HSPD1: variants seen among roughly 807,000 people sequenced by gnomAD.
HSPD1 encodes the protein heat shock protein family D (Hsp60) member 1, also known as 60 kDa heat shock protein, mitochondrial.
In HSPD1, 3 loss-of-function variants were observed where a neutral mutation model predicts 53.0. That is an observed-to-expected ratio of 0.06 (90% CI 0.03 to 0.15). HSPD1 has a LOEUF of 0.15. Ranked by LOEUF, HSPD1 falls within the 10% of genes least tolerant of loss-of-function variation. HSPD1 has a pLI of 1.00. For synonymous variants in HSPD1, 200 were observed against 228.0 expected (o/e 0.88, Z 1.10); for missense variants, 431 against 694.1 (o/e 0.62, Z 4.26).
At chr2:197,495,720 T>G (rs1344741170) in intron 3 of HSPD1, among the ~76,000 whole-genome samples, 2 of 151,602 alleles carry the variant, frequency 1.3e-5, no homozygotes, top group Non-Finnish European at 2.9e-5. Context: ...CAGCTTCCCA[T>G]GTAGCTGGGA....
At chr2:197,500,153 C>A (rs2086229121), upstream of HSPD1, 8 of 540,552 alleles carry the variant, frequency 1.5e-5, no homozygotes, top group South Asian at 2.3e-5. Flanking sequence ...AGGGGTAGTT[C>A]TTTCACCTCG....
At chr2:197,494,922 T>A (rs1366248960) in intron 4 of HSPD1, 170 bp from the exon 5 acceptor site, 1 of 648,320 alleles carries the variant, frequency 1.5e-6, no homozygotes, top group Non-Finnish European at 2.8e-6. Context: ...TCTTTTCCGA[T>A]TCATTATTTG....
rs770559250 is a variant in HSPD1, at chr2:197,487,011, A to G, written c.*35T>C. ...AACACTGCCTTGGGCTTCCTGTCAC[A>G]GTTCATTAATAAAGGTAAAGCACTA... On this transcript the variant is annotated 3_prime_UTR_variant, in exon 12 of 12. Transcript: ENST00000388968. 8 of 1,047,810 alleles carry G rather than the reference A, an allele frequency of 7.6e-6. No individual in the cohort carries two copies. The highest frequency in any genetic ancestry group is 1.2e-5 in the Non-Finnish European group (8 of 667,010). 64.9% of individuals were successfully genotyped at this position (1,047,810 alleles called of 1,614,324 possible).
intron 9 of HSPD1, 78 bp from the exon 10 acceptor site, chr2:197,488,569 ACT>A: frequency 7.2e-7 from 1 of 1,385,282 alleles, no homozygotes; most frequent in Non-Finnish European, 1.0e-6. Context: ...AAAGCAGTTT[ACT>A]TAAAAAGCAA....
At chr2:197,494,988 A>T (rs2086140307) in intron 4 of HSPD1, 3 of 598,182 alleles carry the variant, frequency 5.0e-6, no homozygotes, top group Admixed American at 6.0e-5. Flanking sequence ...CAAAAAGTTT[A>T]AAAATGCTGA....
chr2:197,494,635 T>G, intron 5 of HSPD1, 22 bp downstream of exon 5: 3 of 1,459,110 alleles, frequency 2.1e-6, no homozygotes, highest in Non-Finnish European at 2.9e-6. Context: ...AAAATTATCT[T>G]TAAAAATACA....
At chr2:197,498,635 T>A (rs1194715152) in intron 2 of HSPD1, 40 bp downstream of exon 2, 1 of 1,554,282 alleles carries the variant, frequency 6.4e-7, no homozygotes, top group Non-Finnish European at 8.9e-7. Context: ...AAAATGCTAT[T>A]AATAATACCG....
upstream of HSPD1, chr2:197,500,097 C>A: frequency 2.6e-6 from 1 of 382,150 alleles, no homozygotes; most frequent in Non-Finnish European, 4.9e-6. Context: ...ATGCCGCGCT[C>A]CCTACGGCTC....
chr2:197,488,225 G>C, intron 10 of HSPD1, 92 bp downstream of exon 10: 1 of 1,142,346 alleles, frequency 8.8e-7, no homozygotes, highest in South Asian at 1.3e-5. Flanking sequence ...TTCAGGAAAT[G>C]AATGTGCTAT....
chr2:197,493,748 T>G (rs2086122137), intron 6 of HSPD1, among the ~76,000 whole-genome samples: 1 of 152,194 alleles, frequency 6.6e-6, no homozygotes, highest in African/African-American at 2.4e-5. Context: ...GCAGATGACT[T>G]GAGGCCAGGA....
rs747670740 is a variant in HSPD1, at chr2:197,490,315, A to G, written c.870-19T>C. The G allele has an allele frequency of 1.3e-6, 2 of 1,570,140 alleles. No individual in the cohort carries two copies. Among genetic ancestry groups the G allele is most frequent in the Non-Finnish European group, 1.8e-6 (2 of 1,140,136 alleles). On this transcript the variant is annotated intron_variant, in intron 7 of 11. Transcript: ENST00000388968. ...CTTTAGCCTGTTAAGAATAGTTGAT[A>G]GTAAGATTTAAATGAAATAAAAATG...
chr2:197,492,474 G>A (rs1405976958), intron 7 of HSPD1, among the ~76,000 whole-genome samples: 2 of 152,118 alleles, frequency 1.3e-5, no homozygotes, highest in African/African-American at 2.4e-5. Context: ...ATAGCTGTGA[G>A]CCACCATGCC....
At chr2:197,494,041 G>T in intron 6 of HSPD1, 116 bp downstream of exon 6, 1 of 626,702 alleles carries the variant, frequency 1.6e-6, no homozygotes, top group South Asian at 1.9e-5. Flanking sequence ...GGCGGAGGTT[G>T]CAGTGAGCAA....
Position 197,489,435 on chromosome 2 carries a change from A to G in HSPD1, c.970-188T>C, listed in dbSNP as rs889859695. Among the ~76,000 whole-genome samples the G allele has an allele frequency of 5.9e-5, 9 of 152,318 alleles. No homozygotes were observed. In the South Asian group the frequency reaches 1.2e-3, roughly 21 times the overall value. ...CTTTCACTGCATTTCCAAATTCTCA[A>G]TTCTCACAACTGTGGTAATTATTAC... On this transcript the variant is annotated intron_variant, in intron 8 of 11. Coordinates refer to ENST00000388968, the MANE Select transcript of HSPD1 (RefSeq NM_002156.5).
At chr2:197,490,411 T>TG (rs2106072725) in intron 7 of HSPD1, 115 bp from the exon 8 acceptor site, 2 of 740,520 alleles carry the variant, frequency 2.7e-6, no homozygotes, top group Middle Eastern at 2.4e-4. Flanking sequence ...GGTTTGGTTT[T>TG]TGTGTTTTTT....
chr2:197,500,165 C>G, upstream of HSPD1: 1 of 551,538 alleles, frequency 1.8e-6, no homozygotes, highest in Non-Finnish European at 3.3e-6. Flanking sequence ...TTCACCTCGG[C>G]TGGGCGCCTA....
upstream of HSPD1, chr2:197,500,260 G>A (rs2086231821): frequency 5.2e-6 from 4 of 773,212 alleles, no homozygotes; most frequent in South Asian, 5.0e-5. Flanking sequence ...GGCGAATCGC[G>A]GTGCGCGTCG....
intron 7 of HSPD1, 112 bp downstream of exon 7, chr2:197,493,208 TACAA>T: frequency 2.2e-6 from 2 of 914,580 alleles, no homozygotes; most frequent in South Asian, 2.7e-5. Flanking sequence ...CAATTCTAGA[TACAA>T]ACCCAACTGG....
chr2:197,498,278 A>G (rs1195331756), intron 2 of HSPD1, among the ~76,000 whole-genome samples: 1 of 152,234 alleles, frequency 6.6e-6, no homozygotes, highest in Non-Finnish European at 1.5e-5. Context: ...TAAACCAAAA[A>G]AAAATTTAGC....
Sources: allele counts gnomAD v4.1 joint callset (sites outside exome capture counted in the v4.1 genomes callset), GRCh38; gene constraint gnomAD v4.1.1; transcripts MANE v1.5; gene names NCBI Gene and HGNC (gene_info 2026-07-23, HGNC 2026-07-21).